Variants in BCKDHB observed in about 807,000 individuals in gnomAD.
The protein encoded by BCKDHB is 2-oxoisovalerate dehydrogenase subunit beta, mitochondrial.
BCKDHB carries 41 observed loss-of-function variants against 48.5 expected under a neutral mutation model. The ratio of observed to expected loss-of-function variants is 0.85; its 90% confidence interval spans 0.66 to 1.10. BCKDHB has a LOEUF of 1.10. Ranked by LOEUF, BCKDHB falls within the 50% of genes least tolerant of loss-of-function variation. The pLI, the probability that BCKDHB is intolerant of heterozygous loss-of-function variation, is 0.00. For missense variants in BCKDHB, 496 were observed against 494.2 expected (o/e 1.00, Z -0.03); for synonymous variants, 201 against 174.8 (o/e 1.15, Z -1.18).
chr6:80,413,806 G>A, the BCKDHB span, among the ~76,000 whole-genome samples: 1 of 152,176 alleles, frequency 6.6e-6, no homozygotes, highest in Non-Finnish European at 1.5e-5. Flanking sequence ...TTCCTTGAGA[G>A]TATATACCCA....
chr6:80,173,442 A>C (rs1311247152), intron 6 of BCKDHB, among the ~76,000 whole-genome samples: 1 of 152,176 alleles, frequency 6.6e-6, no homozygotes, highest in Non-Finnish European at 1.5e-5. Flanking sequence ...CAAAGTCTTC[A>C]TATTAGTCTT....
At chr6:80,238,509 A>T (rs1417417048) in intron 8 of BCKDHB, among the ~76,000 whole-genome samples, 4 of 152,208 alleles carry the variant, frequency 2.6e-5, no homozygotes, top group African/African-American at 9.6e-5. Context: ...AGCCTCGGAA[A>T]CCAGAGTAGG....
At chr6:80,120,854 C>G (rs1290700755) in intron 1 of BCKDHB, among the ~76,000 whole-genome samples, 1 of 152,154 alleles carries the variant, frequency 6.6e-6, no homozygotes, top group Non-Finnish European at 1.5e-5. Context: ...CGTGCAGAAG[C>G]TCTTTAGTTT....
chr6:80,154,305 CAA>C (rs1338036400), intron 3 of BCKDHB, among the ~76,000 whole-genome samples: 1 of 152,110 alleles, frequency 6.6e-6, no homozygotes, highest in Non-Finnish European at 1.5e-5. Flanking sequence ...ACATATGAAA[CAA>C]ATTATATCAA....
At chr6:80,385,733 G>A in the BCKDHB span, among the ~76,000 whole-genome samples, 5 of 152,288 alleles carry the variant, frequency 3.3e-5, no homozygotes, top group East Asian at 7.7e-4. Context: ...TAGAAGTGAG[G>A]TTGATAGTGT....
chr6:80,377,197 C>T, the BCKDHB span, among the ~76,000 whole-genome samples: 22 of 151,036 alleles, frequency 1.5e-4, no homozygotes, highest in Non-Finnish European at 2.1e-4. Context: ...CCCACCACCA[C>T]GCCTAGCTAA....
At chr6:80,267,323 G>A (rs961745862) in intron 8 of BCKDHB, among the ~76,000 whole-genome samples, 3 of 152,042 alleles carry the variant, frequency 2.0e-5, no homozygotes, top group Admixed American at 1.3e-4. Flanking sequence ...CCTGGTTTTA[G>A]GTTTCATATA....
chr6:80,169,767 T>G, intron 5 of BCKDHB: 1 of 1,560,844 alleles, frequency 6.4e-7, no homozygotes, highest in African/African-American at 1.4e-5. Context: ...TGTGAGCATG[T>G]GTCTATGTTT....
Position 80,238,809 on chromosome 6 carries a change from T to C in BCKDHB, c.952-34326T>C, listed in dbSNP as rs552302358. ...TGTTCCCCACCCTGTGTCCAAGTAT[T>C]CTCATTGTTCAATTCCCACCTATGA... On this transcript the variant is annotated intron_variant, in intron 8 of 9. Transcript: ENST00000320393. 2.0e-5 allele frequency among the ~76,000 whole-genome samples: 3 copies of C among 152,178 alleles called. No homozygotes were observed. The East Asian group carries it at 5.8e-4, about 30-fold the overall frequency.
chr6:80,461,293 G>A, the BCKDHB span, among the ~76,000 whole-genome samples: 1 of 151,924 alleles, frequency 6.6e-6, no homozygotes, highest in Non-Finnish European at 1.5e-5. Context: ...AACCATTCTT[G>A]AGTCCACCTT....
At chr6:80,397,246 G>C in the BCKDHB span, among the ~76,000 whole-genome samples, 9 of 152,190 alleles carry the variant, frequency 5.9e-5, no homozygotes, top group African/African-American at 2.2e-4. Flanking sequence ...CTTTTTAAGG[G>C]TATTTGGAGG....
At chr6:80,161,250 A>G (rs1440576127) in intron 3 of BCKDHB, among the ~76,000 whole-genome samples, 1 of 152,196 alleles carries the variant, frequency 6.6e-6, no homozygotes, top group Non-Finnish European at 1.5e-5. Flanking sequence ...CATCATTTGG[A>G]TGAATGACTT....
the BCKDHB span, among the ~76,000 whole-genome samples, chr6:80,411,929 C>T: frequency 0.79 from 120,436 of 152,170 alleles, 50,683 homozygotes; most frequent in East Asian, 0.95. Flanking sequence ...AGGTGAGGCC[C>T]TGCCCTGCTT....
the BCKDHB span, among the ~76,000 whole-genome samples, chr6:80,423,134 G>T: frequency 5.9e-5 from 9 of 152,266 alleles, no homozygotes; most frequent in African/African-American, 2.2e-4. Context: ...TCTTATGATA[G>T]CAAGGAGTTC....
chr6:80,365,564 A>C, the BCKDHB span, among the ~76,000 whole-genome samples: 14 of 152,206 alleles, frequency 9.2e-5, no homozygotes, highest in Non-Finnish European at 1.6e-4. Context: ...CCCCTCAGGC[A>C]GTCAGACCTA....
At chr6:80,204,340 C>T (rs1440252156) in intron 8 of BCKDHB, among the ~76,000 whole-genome samples, 6 of 152,058 alleles carry the variant, frequency 3.9e-5, no homozygotes, top group African/African-American at 1.2e-4. Context: ...CAAATGATCC[C>T]GAGCCATTCT....
chr6:80,459,243 C>A, the BCKDHB span, among the ~76,000 whole-genome samples: 1 of 152,070 alleles, frequency 6.6e-6, no homozygotes, highest in African/African-American at 2.4e-5. Context: ...AGTCCATTGA[C>A]AAATGAGTAG....
chr6:80,207,050 T>A (rs1184527351), intron 8 of BCKDHB, among the ~76,000 whole-genome samples: 1 of 151,970 alleles, frequency 6.6e-6, no homozygotes, highest in Non-Finnish European at 1.5e-5. Flanking sequence ...TTGAGAGAAT[T>A]TATCACTAGC....
chr6:80,371,188 G>A, the BCKDHB span, among the ~76,000 whole-genome samples: 1,168 of 152,204 alleles, frequency 7.7e-3, 12 homozygotes, highest in African/African-American at 0.027. Context: ...CATTCTTGCA[G>A]GAGTAAGGTG....
Sources: gnomAD v4.1 joint callset for allele counts (sites outside exome capture counted in the v4.1 genomes callset) on GRCh38, gnomAD v4.1.1 for gene constraint, MANE v1.5 for transcripts, NCBI Gene and HGNC (gene_info 2026-07-23, HGNC 2026-07-21) for gene names.